USP33: variants seen among roughly 807,000 people sequenced by gnomAD.
USP33 encodes the protein ubiquitin carboxyl-terminal hydrolase 33.
In USP33, 46 loss-of-function variants were observed where a neutral mutation model predicts 124.2. That is an observed-to-expected ratio of 0.37 (90% CI 0.29 to 0.47). The LOEUF is 0.47. Ranked by LOEUF, USP33 falls within the 20% of genes least tolerant of loss-of-function variation. The pLI, the probability that USP33 is intolerant of heterozygous loss-of-function variation, is 0.99. For missense variants in USP33, 851 were observed against 1,070.6 expected, an observed-to-expected ratio of 0.79 and a Z score of 2.86; for synonymous variants, 350 against 352.3, an observed-to-expected ratio of 0.99 and a Z score of 0.07.
At chr1:77,754,303 A>G (rs1680609201) in intron 1 of USP33, among the ~76,000 whole-genome samples, 1 of 152,228 alleles carries the variant, frequency 6.6e-6, no homozygotes, top group Non-Finnish European at 1.5e-5. Flanking sequence ...GAAATATTAC[A>G]CTTTAGCAAA....
At position 77,721,846 on chromosome 1, in the gene USP33, T is replaced by G; in HGVS notation, c.1642A>C (p.Arg548=). ...TATTTCTTACCTTTTAGTTCATCTCTGGCAAAGAAGGCAGCAAGACAATCT... is the reference window on the plus strand; with the variant it reads ...TATTTCTTACCTTTTAGTTCATCTCGGGCAAAGAAGGCAGCAAGACAATCT... ...LQDCLAAFFA[R]DELKGDNMYS... is the part of the protein sequence containing the mutation. Residue 548 remains arginine (R), a synonymous_variant, in exon 14 of 24, where the codon AGA becomes CGA. Transcript: ENST00000370794. 1 of 1,608,528 alleles carries G rather than the reference T, an allele frequency of 6.2e-7. No homozygotes were observed. The highest frequency in any genetic ancestry group is 1.1e-5 in the South Asian group (1 of 89,332).
intron 22 of USP33, among the ~76,000 whole-genome samples, chr1:77,700,010 GGGA>G (rs1673824753): frequency 6.6e-6 from 1 of 152,040 alleles, no homozygotes; most frequent in Non-Finnish European, 1.5e-5. Flanking sequence ...CAAGGACACA[GGGA>G]GGAGAACACA....
chr1:77,731,978 C>G (rs1013553775), intron 7 of USP33, among the ~76,000 whole-genome samples: 1 of 151,936 alleles, frequency 6.6e-6, no homozygotes. Flanking sequence ...CTGGCATGCA[C>G]CTGTGGTCGT....
chr1:77,720,938 T>C (rs1241051221), intron 15 of USP33, among the ~76,000 whole-genome samples: 1 of 152,232 alleles, frequency 6.6e-6, no homozygotes, highest in Non-Finnish European at 1.5e-5. Flanking sequence ...CAAAATCACA[T>C]ACAGATTTCA....
Position 77,715,463 on chromosome 1 carries a change from C to G in USP33, c.2045+279G>C, listed in dbSNP as rs543033477. On this transcript the variant is annotated intron_variant, in intron 18 of 23. Coordinates refer to ENST00000370794, the MANE Select transcript of USP33 (RefSeq NM_201624.3). Reference sequence around the variant, plus strand: ...CTCGTGATCCACCCGCCTTGGCCTCCCAAAGTGCTGGGATTACAGGCCTGA... The same window carrying G: ...CTCGTGATCCACCCGCCTTGGCCTCGCAAAGTGCTGGGATTACAGGCCTGA... 3.9e-5 allele frequency among the ~76,000 whole-genome samples: 6 copies of G among 152,314 alleles called. No individual in the cohort carries two copies. The East Asian group carries it at 1.2e-3, about 29-fold the overall frequency.
chr1:77,754,167 GCAA>G (rs1412124515), intron 1 of USP33, among the ~76,000 whole-genome samples: 1 of 152,176 alleles, frequency 6.6e-6, no homozygotes, highest in Non-Finnish European at 1.5e-5. Context: ...TCAAAGGACA[GCAA>G]GCACTTTGCA....
At chr1:77,726,648 G>GAA (rs112444513) in intron 10 of USP33, among the ~76,000 whole-genome samples, 212 of 135,436 alleles carry the variant, frequency 1.6e-3, no homozygotes, top group East Asian at 8.9e-3. Flanking sequence ...CCTGTTTCAG[G>GAA]AAAAAAAAAA....
At chr1:77,699,014 T>A (rs1046243119) in intron 22 of USP33, among the ~76,000 whole-genome samples, 2 of 151,918 alleles carry the variant, frequency 1.3e-5, no homozygotes, top group African/African-American at 4.8e-5. Context: ...CGCATGGTCA[T>A]CATCAAAAGT....
Position 77,718,049 on chromosome 1 carries a change from TAA to T in USP33, c.1738-4_1738-3del. On this transcript the variant is annotated splice_region_variant and splice_polypyrimidine_tract_variant and intron_variant, in intron 16 of 23. Coordinates refer to ENST00000370794, the MANE Select transcript of USP33 (RefSeq NM_201624.3). ...TCTTTTAAGGTGGATGCACAAAATC[TAA>T]AAAAGAATAAAATTCAAAACTAATT... 1 of 1,581,356 alleles carries T rather than the reference TAA, an allele frequency of 6.3e-7. No individual in the cohort carries two copies. The highest frequency in any genetic ancestry group is 8.6e-7 in the Non-Finnish European group (1 of 1,164,862).
chr1:77,751,711 C>T (rs1387949078), intron 1 of USP33, among the ~76,000 whole-genome samples: 3 of 150,812 alleles, frequency 2.0e-5, no homozygotes, highest in African/African-American at 7.3e-5. Flanking sequence ...TTTTTTGAGA[C>T]GGAGTCTTGC....
At chr1:77,758,472 C>G (rs1057108758) in intron 1 of USP33, among the ~76,000 whole-genome samples, 1 of 152,094 alleles carries the variant, frequency 6.6e-6, no homozygotes, top group African/African-American at 2.4e-5. Flanking sequence ...CCGTGCCCAG[C>G]CCTGACCTTT....
chr1:77,700,564 T>C (rs1359683719), intron 22 of USP33, among the ~76,000 whole-genome samples: 1 of 152,218 alleles, frequency 6.6e-6, no homozygotes, highest in Non-Finnish European at 1.5e-5. Flanking sequence ...GCCATAATCA[T>C]GCTGCTGTAC....
intron 21 of USP33, 174 bp from the exon 22 acceptor site, chr1:77,701,645 T>G: frequency 4.0e-6 from 2 of 498,426 alleles, no homozygotes; most frequent in South Asian, 3.5e-5. Context: ...AGAACATCTC[T>G]ACAAAAAAAA....
At chr1:77,712,172 T>C (rs1675337375) in intron 20 of USP33, among the ~76,000 whole-genome samples, 1 of 152,196 alleles carries the variant, frequency 6.6e-6, no homozygotes, top group Non-Finnish European at 1.5e-5. Context: ...ATCACAGTCA[T>C]AGTCAAGTTT....
At chr1:77,713,531 T>G (rs1011491107) in intron 19 of USP33, 19 of 311,124 alleles carry the variant, frequency 6.1e-5, no homozygotes, top group African/African-American at 3.6e-4. Flanking sequence ...ACTACAGGCA[T>G]GCTTCAACAC....
At chr1:77,727,146 T>C (rs1341836939) in intron 10 of USP33, among the ~76,000 whole-genome samples, 1 of 152,194 alleles carries the variant, frequency 6.6e-6, no homozygotes, top group Non-Finnish European at 1.5e-5. Context: ...TAATGAGATT[T>C]AGATGGGGAG....
rs1446106332 is a variant in USP33 at position 77,730,601 on chromosome 1, T to C, written c.638+17A>G. On this transcript the variant is annotated intron_variant, in intron 8 of 23. Coordinates refer to ENST00000370794, the MANE Select transcript of USP33 (RefSeq NM_201624.3). ...TTAAAAGTTTAATAAAGAAGAAGAG[T>C]ATATTAAGTTACATACCTGCTTTTA... is the stretch of plus-strand genomic sequence containing the variant. The C allele has an allele frequency of 2.0e-6, 3 of 1,473,682 alleles. No individual in the cohort carries two copies. Among genetic ancestry groups the C allele is most frequent in the Non-Finnish European group, 2.7e-6 (3 of 1,097,842 alleles). The allele number at this position is 1,473,682 out of a possible 1,614,324, so 91.3% of individuals were successfully genotyped here.
intron 1 of USP33, among the ~76,000 whole-genome samples, chr1:77,755,486 A>G (rs1024827466): frequency 6.6e-6 from 1 of 152,200 alleles, no homozygotes; most frequent in Non-Finnish European, 1.5e-5. Context: ...ACTTGAGGTC[A>G]GGAGTTTGAG....
At chr1:77,732,122 A>AC (rs1041449922) in intron 7 of USP33, among the ~76,000 whole-genome samples, 8 of 151,978 alleles carry the variant, frequency 5.3e-5, no homozygotes, top group African/African-American at 1.9e-4. Context: ...AAAAAAAAAA[A>AC]AAAACCAGAA....
Sources: gnomAD v4.1 joint callset for allele counts (sites outside exome capture counted in the v4.1 genomes callset) on GRCh38, gnomAD v4.1.1 for gene constraint, MANE v1.5 for transcripts, NCBI Gene and HGNC (gene_info 2026-07-23, HGNC 2026-07-21) for gene names.